TMEM178B: variants seen among roughly 807,000 people sequenced by gnomAD.
TMEM178B encodes the protein transmembrane protein 178B.
In TMEM178B, 5 loss-of-function variants were observed where a neutral mutation model predicts 31.0. The observed-to-expected ratio is 0.16, with a 90% confidence interval of 0.08 to 0.34. The LOEUF is 0.34. Ranked by LOEUF, TMEM178B falls within the 10% of genes least tolerant of loss-of-function variation. The pLI, the probability that TMEM178B is intolerant of heterozygous loss-of-function variation, is 1.00. For missense variants in TMEM178B, 275 were observed against 400.3 expected (o/e 0.69, Z 2.67); for synonymous variants, 164 against 164.0 (o/e 1.00, Z 0.00).
intron 2 of TMEM178B, among the ~76,000 whole-genome samples, chr7:141,349,316 G>T (rs187325718): frequency 6.6e-6 from 1 of 152,272 alleles, no homozygotes; most frequent in African/African-American, 2.4e-5. Flanking sequence ...CATTAGTCAT[G>T]GGAGTAACCT....
intron 1 of TMEM178B, among the ~76,000 whole-genome samples, chr7:141,121,539 A>G (rs1258832288): frequency 1.3e-5 from 2 of 151,580 alleles, no homozygotes; most frequent in Non-Finnish European, 2.9e-5. Context: ...TTCTTAGTTT[A>G]TTTCTTCTTT....
chr7:141,499,068 A>T, the TMEM178B span, among the ~76,000 whole-genome samples: 1 of 152,212 alleles, frequency 6.6e-6, no homozygotes, highest in Non-Finnish European at 1.5e-5. Context: ...CGCATGCACC[A>T]TACTTGCCTT....
Position 141,474,051 on chromosome 7 carries a change from TA to T in TMEM178B, c.*3268del, listed in dbSNP as rs964723010. 1 of 152,194 alleles carries T rather than the reference TA, an allele frequency of 6.6e-6. No individual in the cohort carries two copies. The highest frequency in any genetic ancestry group is 1.5e-5 in the Non-Finnish European group (1 of 68,046). The allele number at this position is 152,194 out of a possible 1,614,324, so 9.4% of individuals were successfully genotyped here. On this transcript the variant is annotated 3_prime_UTR_variant, in exon 4 of 4. Coordinates refer to ENST00000565468, the MANE Select transcript of TMEM178B (RefSeq NM_001195278.2). Reference sequence around the variant, plus strand: ...GGGCATTTAGGGTCAATGACCTCACTAAAGTCACCAGCCGCAACCCCAGGTC... The same window carrying T: ...GGGCATTTAGGGTCAATGACCTCACTAAGTCACCAGCCGCAACCCCAGGTC...
chr7:141,075,060 A>G (rs1794578252), intron 1 of TMEM178B, among the ~76,000 whole-genome samples: 1 of 152,222 alleles, frequency 6.6e-6, no homozygotes. Flanking sequence ...AGGGGTAGAC[A>G]GGTTCCTAAT....
At chr7:141,251,411 G>C (rs1797831422) in intron 2 of TMEM178B, among the ~76,000 whole-genome samples, 1 of 152,034 alleles carries the variant, frequency 6.6e-6, no homozygotes, top group Non-Finnish European at 1.5e-5. Context: ...ATGCAAGACA[G>C]TACTAGGCAG....
At position 141,224,028 on chromosome 7, in the gene TMEM178B, G is replaced by A. The variant is rs145002202; in HGVS notation, c.496+11324G>A. On this transcript the variant is annotated intron_variant, in intron 2 of 3. Coordinates refer to ENST00000565468, the MANE Select transcript of TMEM178B (RefSeq NM_001195278.2). ...TGGGAGATAATTGAATCATGGGGGC[G>A]GTTTCCCCCATAATGTTCTCATTGT... 4.9e-3 allele frequency among the ~76,000 whole-genome samples: 748 copies of A among 152,186 alleles called. 6 individuals carry two copies. The highest frequency in any genetic ancestry group is 0.017 in the African/African-American group (709 of 41,514).
chr7:141,159,744 T>G (rs934666837), intron 1 of TMEM178B, among the ~76,000 whole-genome samples: 1 of 152,104 alleles, frequency 6.6e-6, no homozygotes, highest in African/African-American at 2.4e-5. Flanking sequence ...AGATAGAATA[T>G]TCTTTCTACT....
chr7:141,481,148 T>A (rs146315926), downstream of TMEM178B, among the ~76,000 whole-genome samples: 811 of 152,328 alleles, frequency 5.3e-3, 12 homozygotes, highest in African/African-American at 0.019. Flanking sequence ...TGAGGCCGTA[T>A]GGCGCTGCTT....
chr7:141,075,106 G>A (rs533051120), intron 1 of TMEM178B, among the ~76,000 whole-genome samples: 5 of 152,266 alleles, frequency 3.3e-5, no homozygotes, highest in East Asian at 1.9e-4. Context: ...AAAATTGGGG[G>A]AAACATTTCA....
chr7:141,410,822 A>G (rs1157875161), intron 2 of TMEM178B, among the ~76,000 whole-genome samples: 1 of 152,220 alleles, frequency 6.6e-6, no homozygotes, highest in Non-Finnish European at 1.5e-5. Flanking sequence ...GTGGACCCCC[A>G]TGGGCACTGG....
rs1290799450 is a variant in TMEM178B, at chr7:141,364,685, A to AAT, written c.497-72923_497-72922insAT. ...AAAAAAAAAAAAAAAAAAAAAAAAA[A>AAT]GTTGGGCCAGGGATCACACAGTGAA... On this transcript the variant is annotated intron_variant, in intron 2 of 3. Transcript: ENST00000565468. Among the ~76,000 whole-genome samples, 4 of 147,192 alleles carry AAT rather than the reference A, an allele frequency of 2.7e-5. No homozygotes were observed. The South Asian group carries it at 6.5e-4, about 24-fold the overall frequency.
intron 1 of TMEM178B, among the ~76,000 whole-genome samples, chr7:141,178,108 C>G (rs1796463120): frequency 6.6e-6 from 1 of 152,112 alleles, no homozygotes; most frequent in East Asian, 1.9e-4. Context: ...TTTAGTGCTT[C>G]CTTTAGGAGC....
chr7:141,268,959 G>A (rs1384107490), intron 2 of TMEM178B, among the ~76,000 whole-genome samples: 1 of 152,160 alleles, frequency 6.6e-6, no homozygotes, highest in Non-Finnish European at 1.5e-5. Flanking sequence ...CTCTACCACG[G>A]CAATGCTCTT....
intron 1 of TMEM178B, among the ~76,000 whole-genome samples, chr7:141,123,355 G>C (rs1226976060): frequency 6.6e-6 from 1 of 152,212 alleles, no homozygotes; most frequent in Non-Finnish European, 1.5e-5. Flanking sequence ...GATTCTCTGA[G>C]GTCTGCGTGG....
At position 141,125,680 on chromosome 7, in the gene TMEM178B, G is replaced by GA. The variant is rs774508037; in HGVS notation, c.382+51005dup. ...GGGTGACAGAGTGAGACTCCATCTC[G>GA]AAAAAAAAAAAAAAAAAGAAAAAGA... On this transcript the variant is annotated intron_variant, in intron 1 of 3. Coordinates refer to ENST00000565468, the MANE Select transcript of TMEM178B (RefSeq NM_001195278.2). 8.1e-3 allele frequency among the ~76,000 whole-genome samples: 634 copies of GA among 78,384 alleles called. 4 individuals are homozygous for GA. The highest frequency in any genetic ancestry group is 0.055 in the South Asian group (134 of 2,458). The allele number at this position is 78,384 out of a possible 152,430, so 51.4% of individuals were successfully genotyped here. A position where few individuals can be genotyped will look rare whatever the true frequency, so the allele number is the denominator to read the frequency against.
chr7:141,182,728 A>G (rs1454833514), intron 1 of TMEM178B, among the ~76,000 whole-genome samples: 2 of 152,152 alleles, frequency 1.3e-5, no homozygotes, highest in Admixed American at 6.5e-5. Context: ...GGTTTCTCCC[A>G]TACTGTTCTT....
In TMEM178B at chr7:141,470,889, G is replaced by C. The variant is rs760973646; in HGVS notation, c.*103G>C. The C allele has an allele frequency of 1.9e-5, 14 of 727,562 alleles. No homozygotes were observed. The highest frequency in any genetic ancestry group is 2.4e-5 in the Non-Finnish European group (14 of 578,952). The allele number at this position is 727,562 out of a possible 1,614,324, so 45.1% of individuals were successfully genotyped here. A position where few individuals can be genotyped will look rare whatever the true frequency, so the allele number is the denominator to read the frequency against. On this transcript the variant is annotated 3_prime_UTR_variant, in exon 4 of 4. Transcript: ENST00000565468. ...TCAAGACGATGCCAGTGCCAAGGTA[G>C]AGTTGAGTTGGCTCAGGCACCTGCA...
chr7:141,294,907 A>C (rs1001534439), intron 2 of TMEM178B, among the ~76,000 whole-genome samples: 1 of 152,068 alleles, frequency 6.6e-6, no homozygotes, highest in African/African-American at 2.4e-5. Context: ...CACAGCCCTC[A>C]CCTGTGAAGA....
chr7:141,412,375 A>C (rs1257520545), intron 2 of TMEM178B, among the ~76,000 whole-genome samples: 1 of 152,168 alleles, frequency 6.6e-6, no homozygotes, highest in Non-Finnish European at 1.5e-5. Context: ...AACCTCATCC[A>C]GATATAAATT....
Sources: gnomAD v4.1 joint callset for allele counts (sites outside exome capture counted in the v4.1 genomes callset) on GRCh38, gnomAD v4.1.1 for gene constraint, MANE v1.5 for transcripts, NCBI Gene and HGNC (gene_info 2026-07-23, HGNC 2026-07-21) for gene names.